Variants in SCFD2 observed in about 807,000 individuals in gnomAD.
The protein encoded by SCFD2 is sec1 family domain containing 2.
A neutral mutation model predicts 58.9 loss-of-function variants in SCFD2; 54 were observed. The ratio of observed to expected loss-of-function variants is 0.92; its 90% CI spans 0.74 to 1.15. SCFD2 has a LOEUF of 1.15. Among genes scored for constraint, SCFD2 ranks in the 50% most tolerant of loss-of-function variants. SCFD2 has a pLI of 0.00. For missense variants in SCFD2, 805 were observed against 836.6 expected, an observed-to-expected ratio of 0.96 and a Z score of 0.47; for synonymous variants, 321 against 335.9, an observed-to-expected ratio of 0.96 and a Z score of 0.49.
chr4:53,324,851 A>G (rs922813384), intron 2 of SCFD2, among the ~76,000 whole-genome samples: 13 of 152,082 alleles, frequency 8.5e-5, no homozygotes, highest in African/African-American at 3.1e-4. Flanking sequence ...CTATTTCTAG[A>G]CTCCAGGTGC....
intron 4 of SCFD2, among the ~76,000 whole-genome samples, chr4:53,220,550 T>C (rs1729018036): frequency 6.6e-6 from 1 of 152,156 alleles, no homozygotes; most frequent in African/African-American, 2.4e-5. Flanking sequence ...CAAAGAATAT[T>C]CTCATATAAA....
At chr4:53,111,006 C>T (rs1168712344) in intron 5 of SCFD2, among the ~76,000 whole-genome samples, 2 of 152,094 alleles carry the variant, frequency 1.3e-5, no homozygotes, top group East Asian at 1.9e-4. Flanking sequence ...ACTATGCAGC[C>T]ATAAAAAGGA....
intron 1 of SCFD2, among the ~76,000 whole-genome samples, chr4:53,353,780 TG>T (rs1734313897): frequency 7.1e-6 from 1 of 140,970 alleles, no homozygotes; most frequent in African/African-American, 2.9e-5. Context: ...CACAGGGTGC[TG>T]ATTGGTGCAT....
chr4:53,225,030 C>A (rs887691014), intron 4 of SCFD2, among the ~76,000 whole-genome samples: 3 of 152,064 alleles, frequency 2.0e-5, no homozygotes, highest in Non-Finnish European at 4.4e-5. Context: ...CCATCAATCT[C>A]ACTGTAAAAC....
chr4:53,049,220 A>G (rs1053553525), intron 5 of SCFD2, among the ~76,000 whole-genome samples: 7 of 152,212 alleles, frequency 4.6e-5, no homozygotes, highest in Non-Finnish European at 1.0e-4. Flanking sequence ...AGAACACAAG[A>G]TATGATACCA....
intron 5 of SCFD2, among the ~76,000 whole-genome samples, chr4:52,961,703 T>C (rs1457690548): frequency 2.0e-5 from 3 of 152,142 alleles, no homozygotes; most frequent in Admixed American, 2.0e-4. Flanking sequence ...TGACGACTTA[T>C]GGGTGAGAAA....
chr4:52,898,065 G>T (rs1719073421), intron 7 of SCFD2, among the ~76,000 whole-genome samples: 1 of 151,986 alleles, frequency 6.6e-6, no homozygotes, highest in African/African-American at 2.4e-5. Flanking sequence ...TATTAGTTTT[G>T]CTAGCAGTCT....
intron 1 of SCFD2, among the ~76,000 whole-genome samples, chr4:53,357,435 A>AAG (rs1289230295): frequency 1.3e-5 from 2 of 152,086 alleles, no homozygotes; most frequent in African/African-American, 4.8e-5. Flanking sequence ...TCTCAAAAAA[A>AAG]AAAAGGAATT....
At chr4:52,989,671 G>A (rs1023377655) in intron 5 of SCFD2, among the ~76,000 whole-genome samples, 1 of 152,130 alleles carries the variant, frequency 6.6e-6, no homozygotes, top group African/African-American at 2.4e-5. Context: ...TCCCACTGTG[G>A]CATTGGATTC....
intron 4 of SCFD2, among the ~76,000 whole-genome samples, chr4:53,178,406 T>C (rs999308237): frequency 3.9e-5 from 6 of 152,156 alleles, no homozygotes; most frequent in African/African-American, 1.4e-4. Context: ...AGTGGACCTC[T>C]AGCAAACTCC....
rs546125555 is a variant in SCFD2 at position 53,253,892 on chromosome 4, T to TA, written c.1311+19933dup. Among the ~76,000 whole-genome samples the TA allele has an allele frequency of 8.9e-3, 974 of 109,826 alleles. 27 individuals carry two copies. In the East Asian group the frequency reaches 0.1, roughly 11 times the overall value. The allele number at this position is 109,826 out of a possible 152,430, so 72.1% of individuals were successfully genotyped here. A position where few individuals can be genotyped will look rare whatever the true frequency, so the allele number is the denominator to read the frequency against. On this transcript the variant is annotated intron_variant, in intron 4 of 8. Coordinates refer to ENST00000401642, the MANE Select transcript of SCFD2 (RefSeq NM_152540.4). ...TACCCTAAAACTTAAAGTATAATTATAAAAAAAAAAAAAATAACAAAGTCA... is the reference window on the plus strand; with the variant it reads ...TACCCTAAAACTTAAAGTATAATTATAAAAAAAAAAAAAAATAACAAAGTCA...
chr4:52,902,922 T>C (rs909511795), intron 7 of SCFD2, among the ~76,000 whole-genome samples: 2 of 152,214 alleles, frequency 1.3e-5, no homozygotes, highest in African/African-American at 4.8e-5. Context: ...GCATAGCTTA[T>C]AGTAGACGTC....
At chr4:53,194,179 A>G (rs1488388710) in intron 4 of SCFD2, among the ~76,000 whole-genome samples, 2 of 152,128 alleles carry the variant, frequency 1.3e-5, no homozygotes, top group South Asian at 2.1e-4. Context: ...TTAAAATACT[A>G]TAGTTACACT....
chr4:53,153,253 C>T (rs1055494140), intron 4 of SCFD2, among the ~76,000 whole-genome samples: 1 of 152,224 alleles, frequency 6.6e-6, no homozygotes, highest in Non-Finnish European at 1.5e-5. Context: ...AGGTTTCTGC[C>T]TGGGCATCCA....
At chr4:53,321,091 T>C (rs944903180) in intron 2 of SCFD2, among the ~76,000 whole-genome samples, 4 of 152,300 alleles carry the variant, frequency 2.6e-5, no homozygotes, top group Non-Finnish European at 5.9e-5. Flanking sequence ...AATCAAACTG[T>C]TTTTACAAAT....
chr4:53,192,811 T>C (rs962026803), intron 4 of SCFD2, among the ~76,000 whole-genome samples: 2 of 152,092 alleles, frequency 1.3e-5, no homozygotes, highest in African/African-American at 4.8e-5. Flanking sequence ...AGTGTACTAA[T>C]AGGATATTAG....
chr4:53,119,544 G>A (rs1395048737), intron 5 of SCFD2, among the ~76,000 whole-genome samples: 1 of 152,080 alleles, frequency 6.6e-6, no homozygotes, highest in East Asian at 1.9e-4. Context: ...TGGATCAGAG[G>A]AAGAGATGGT....
chr4:53,217,372 G>C (rs1327059477), intron 4 of SCFD2, among the ~76,000 whole-genome samples: 1 of 152,190 alleles, frequency 6.6e-6, no homozygotes, highest in Non-Finnish European at 1.5e-5. Flanking sequence ...AGCTCTTCTT[G>C]TTGAATTGAT....
intron 5 of SCFD2, among the ~76,000 whole-genome samples, chr4:53,018,067 G>A (rs765329063): frequency 5.9e-5 from 9 of 152,130 alleles, no homozygotes; most frequent in African/African-American, 9.7e-5. Flanking sequence ...CATACTATGC[G>A]TTTGTTTGTT....
Sources: allele counts gnomAD v4.1 joint callset (sites outside exome capture counted in the v4.1 genomes callset), GRCh38; gene constraint gnomAD v4.1.1; transcripts MANE v1.5; gene names NCBI Gene and HGNC (gene_info 2026-07-23, HGNC 2026-07-21).